Variants in RAB8B observed in about 807,000 individuals in gnomAD.
RAB8B encodes ras-related protein Rab-8B.
Under a neutral mutation model 32.0 loss-of-function variants are expected in RAB8B, and 11 were observed. That is an observed-to-expected ratio of 0.34 (90% confidence interval 0.22 to 0.57). The LOEUF (loss-of-function observed/expected upper bound fraction) is 0.57. Ranked by LOEUF, RAB8B falls within the 20% of genes least tolerant of loss-of-function variation. The pLI, the probability that RAB8B is intolerant of heterozygous loss-of-function variation, is 0.86. For synonymous variants in RAB8B, 103 were observed against 89.6 expected (o/e 1.15, Z -0.85); for missense variants, 190 against 258.5 (o/e 0.73, Z 1.82).
chr15:63,249,608 G>A (rs963266444), intron 2 of RAB8B, 37 bp from the exon 3 acceptor site: 23 of 1,598,120 alleles, frequency 1.4e-5, no homozygotes, highest in Non-Finnish European at 2.0e-5. Flanking sequence ...TGCTGGTGAT[G>A]ACTTCAAAAA....
chr15:63,249,964 G>A (rs1384939664), intron 3 of RAB8B, among the ~76,000 whole-genome samples: 4 of 151,292 alleles, frequency 2.6e-5, no homozygotes, highest in African/African-American at 7.3e-5. Flanking sequence ...GTGAAACCCC[G>A]TCTCTACTAA....
chr15:63,260,317 C>T (rs539355054), intron 6 of RAB8B, among the ~76,000 whole-genome samples: 1 of 152,306 alleles, frequency 6.6e-6, no homozygotes, highest in South Asian at 2.1e-4. Flanking sequence ...ATTCATGTCA[C>T]CCTGTATGCC....
At chr15:63,249,599 G>A (rs756501264) in intron 2 of RAB8B, 46 bp from the exon 3 acceptor site, 12 of 1,564,564 alleles carry the variant, frequency 7.7e-6, no homozygotes, top group South Asian at 3.4e-5. Context: ...CCTCAGTGAT[G>A]CTGGTGATGA....
intron 1 of RAB8B, among the ~76,000 whole-genome samples, chr15:63,244,472 T>C (rs1242436627): frequency 6.6e-6 from 1 of 152,232 alleles, no homozygotes; most frequent in African/African-American, 2.4e-5. Context: ...TGGCATGTTC[T>C]CAATCTATCT....
chr15:63,202,754 A>G (rs1219235464), intron 1 of RAB8B, among the ~76,000 whole-genome samples: 1 of 152,192 alleles, frequency 6.6e-6, no homozygotes, highest in African/African-American at 2.4e-5. Context: ...AATTGTGTCT[A>G]TTCTAGCTTT....
At chr15:63,193,298 T>C (rs1595730830) in intron 1 of RAB8B, among the ~76,000 whole-genome samples, 1 of 152,260 alleles carries the variant, frequency 6.6e-6, no homozygotes, top group East Asian at 1.9e-4. Context: ...CTTCATTTCC[T>C]TTTTGCTCTT....
chr15:63,203,360 T>G (rs1460496726), intron 1 of RAB8B, among the ~76,000 whole-genome samples: 1 of 152,252 alleles, frequency 6.6e-6, no homozygotes, highest in African/African-American at 2.4e-5. Flanking sequence ...TTGAAAGCCT[T>G]GGGCAAATTA....
At chr15:63,212,491 G>A (rs1025414094) in intron 1 of RAB8B, among the ~76,000 whole-genome samples, 1 of 152,260 alleles carries the variant, frequency 6.6e-6, no homozygotes, top group Admixed American at 6.5e-5. Context: ...GATCAGAAGA[G>A]TCAAGATGTA....
At chr15:63,256,702 T>C in intron 5 of RAB8B, 108 bp downstream of exon 5, 1 of 787,370 alleles carries the variant, frequency 1.3e-6, no homozygotes, top group South Asian at 1.8e-5. Context: ...TTTTAATCCC[T>C]TTAAATTGGA....
chr15:63,199,524 A>G (rs1372072836), intron 1 of RAB8B, among the ~76,000 whole-genome samples: 1 of 152,208 alleles, frequency 6.6e-6, no homozygotes, highest in East Asian at 1.9e-4. Flanking sequence ...TTTGTGGGAA[A>G]AGTGAAATAA....
chr15:63,252,790 C>T (rs1315191327), intron 3 of RAB8B, among the ~76,000 whole-genome samples: 1 of 150,798 alleles, frequency 6.6e-6, no homozygotes, highest in Non-Finnish European at 1.5e-5. Context: ...CTCTTGTTGC[C>T]CAGGCTGGAG....
Position 63,259,840 on chromosome 15 carries a change from A to AT in RAB8B, c.480+161dup, listed in dbSNP as rs770801633. On this transcript the variant is annotated intron_variant, in intron 6 of 7. Coordinates refer to ENST00000321437, the MANE Select transcript of RAB8B (RefSeq NM_016530.3). The surrounding 1 kb of genome is among the most constrained non-coding windows in gnomAD (Gnocchi z 4.4). ...TACTTTGTACACTTTTGTGCTTCTG[A>AT]TTTTTTTTTTTTTGAGATGGAGTCT... The AT allele has an allele frequency of 0.07, 36,356 of 518,806 alleles. 5 individuals carry two copies. Among genetic ancestry groups the AT allele is most frequent in the East Asian group, 0.09 (2,363 of 26,226 alleles). The allele number at this position is 518,806 out of a possible 1,614,324, so 32.1% of individuals were successfully genotyped here.
At chr15:63,220,571 C>CT (rs904053602) in intron 1 of RAB8B, among the ~76,000 whole-genome samples, 1 of 152,006 alleles carries the variant, frequency 6.6e-6, no homozygotes, top group Non-Finnish European at 1.5e-5. Flanking sequence ...TTTTTTGAAA[C>CT]TTTCAGTGGT....
At chr15:63,255,729 C>A in intron 4 of RAB8B, 145 bp downstream of exon 4, 1 of 616,176 alleles carries the variant, frequency 1.6e-6, no homozygotes, top group Non-Finnish European at 2.9e-6. Context: ...CTCCATAAAT[C>A]TCTGGTGCTG....
chr15:63,263,678 G>T lies in RAB8B; in HGVS notation c.*59G>T. The T allele has an allele frequency of 7.2e-7, 1 of 1,381,506 alleles. No homozygotes were observed. Among genetic ancestry groups the T allele is most frequent in the Non-Finnish European group, 1.0e-6 (1 of 973,682 alleles). The allele number at this position is 1,381,506 out of a possible 1,614,324, so 85.6% of individuals were successfully genotyped here. ...AGGGCCCTTTCCTGCTTCTCTGAAA[G>T]CACAGGTCACCCAGCCTCAGAATCA... On this transcript the variant is annotated 3_prime_UTR_variant, in exon 8 of 8. Coordinates refer to ENST00000321437, the MANE Select transcript of RAB8B (RefSeq NM_016530.3).
At chr15:63,221,459 A>G (rs558977203) in intron 1 of RAB8B, among the ~76,000 whole-genome samples, 2 of 152,310 alleles carry the variant, frequency 1.3e-5, no homozygotes, top group East Asian at 3.9e-4. Context: ...CCTTTGAGCT[A>G]TATTAGTACT....
chr15:63,221,132 A>T (rs1294143474), intron 1 of RAB8B, among the ~76,000 whole-genome samples: 2 of 152,194 alleles, frequency 1.3e-5, no homozygotes, highest in East Asian at 3.9e-4. Flanking sequence ...GTTCCAGACA[A>T]TGGGGAGATC....
At chr15:63,258,644 C>T (rs1420673592) in intron 5 of RAB8B, among the ~76,000 whole-genome samples, 1 of 152,140 alleles carries the variant, frequency 6.6e-6, no homozygotes, top group African/African-American at 2.4e-5. Flanking sequence ...TGGGCTTGAG[C>T]AAGCAGCTTG....
chr15:63,239,541 C>T (rs186344814), intron 1 of RAB8B, among the ~76,000 whole-genome samples: 42 of 152,074 alleles, frequency 2.8e-4, no homozygotes, highest in African/African-American at 9.9e-4. Flanking sequence ...CTTAGCCTCC[C>T]CGCTAGCTGG....
Sources: allele counts gnomAD v4.1 joint callset (sites outside exome capture counted in the v4.1 genomes callset), GRCh38; gene constraint gnomAD v4.1.1; non-coding constraint Gnocchi (gnomAD v3.1); transcripts MANE v1.5; gene names NCBI Gene and HGNC (gene_info 2026-07-23, HGNC 2026-07-21).